The following TTN variants were observed in gnomAD, a reference collection of about 807,000 sequenced individuals.
The protein encoded by TTN is titin.
In TTN, 1,525 loss-of-function variants were observed where a neutral mutation model predicts 3,223.0. The observed-to-expected ratio is 0.47, with a 90% CI of 0.45 to 0.49. The LOEUF (loss-of-function observed/expected upper bound fraction) is 0.49. Among genes scored for constraint, TTN ranks in the 20% least tolerant of loss-of-function variants. The pLI is 0.00. For missense variants in TTN, 40,786 were observed against 43,424.0 expected, an observed-to-expected ratio of 0.94 and a Z score of 5.40; for synonymous variants, 14,094 against 15,161.0, an observed-to-expected ratio of 0.93 and a Z score of 5.17.
intron 156 of TTN, 60 bp from the exon 157 acceptor site, chr2:178,670,355 G>A (rs2154263903): frequency 2.0e-6 from 2 of 984,182 alleles, no homozygotes; most frequent in African/African-American, 3.4e-5. Flanking sequence ...TTAACAAGCA[G>A]AGCATGAGAG....
At position 178,805,939 on chromosome 2, in the gene TTN, A is replaced by C. The variant is rs546260862; in HGVS notation, c.-14+1273T>G. Reference sequence around the variant, plus strand: ...CAGTTTCAGAGACATTATGTGAAGAATTTTCTGATGCATAAATACCTAATT... The same window carrying C: ...CAGTTTCAGAGACATTATGTGAAGACTTTTCTGATGCATAAATACCTAATT... On this transcript the variant is annotated intron_variant, in intron 1 of 362. Coordinates refer to ENST00000589042, the MANE Select transcript of TTN (RefSeq NM_001267550.2). Among the ~76,000 whole-genome samples, 13 of 152,282 alleles carry C rather than the reference A, an allele frequency of 8.5e-5. 1 individual carries two copies. The South Asian group carries it at 2.7e-3, about 32-fold the overall frequency.
At position 178,534,196 on chromosome 2, in the gene TTN, C is replaced by G; in HGVS notation, c.102419G>C (p.Gly34140Ala). ...VASIEIGPVS[G>A]QIMHAVGEEG... The stretch of plus-strand genomic sequence containing the variant: ...TTCACCAACTGCATGCATTATCTGC[C>G]CAGAAACTGGGCCAATTTCAATGGA... The change falls in exon 358 of 363, where the codon GGG becomes GCG. Residue 34140 changes from glycine to alanine, a missense_variant. By Grantham distance (60) the Gly-to-Ala change is moderately conservative (BLOSUM62 0). Transcript: ENST00000589042. The G allele has an allele frequency of 6.2e-7, 1 of 1,613,890 alleles. No homozygotes were observed. Among genetic ancestry groups the G allele is most frequent in the Non-Finnish European group, 8.5e-7 (1 of 1,179,848 alleles).
Position 178,534,394 on chromosome 2 carries a change from T to C in TTN, c.102221A>G (p.Lys34074Arg). The C allele has an allele frequency of 6.2e-7, 1 of 1,610,812 alleles. No homozygotes were observed. Among genetic ancestry groups the C allele is most frequent in the African/African-American group, 1.3e-5 (1 of 75,036 alleles). The part of the protein sequence containing the change: ...ASEALQHPWL[K>R]QKIERVSTKV... ...AGTACTGACTCTTTCTATCTTCTGC[T>C]TCAACCATGGGTGCTGGAGAGCCTC... The change falls in exon 358 of 363, where the codon AAG (lysine) becomes AGG (arginine). Residue 34074 changes from lysine to arginine, a missense_variant. Coordinates refer to ENST00000589042, the MANE Select transcript of TTN (RefSeq NM_001267550.2).
At position 178,759,075 on chromosome 2, in the gene TTN, G is replaced by C. The variant is rs150406319; in HGVS notation, c.10212C>G (p.Ala3404=). The change falls in exon 44 of 363, where the codon GCC becomes GCG. Residue 3404 remains alanine, a synonymous_variant. Coordinates refer to ENST00000589042, the MANE Select transcript of TTN (RefSeq NM_001267550.2). ...QFEDTYQLEI[A]EAYPEDEGTY... ...TTCCTTCATCTTCTGGATAAGCTTC[G>C]GCAATTTCCAGTTGATAAGTGTCTT... 3 of 1,613,730 alleles carry C rather than the reference G, an allele frequency of 1.9e-6. No individual in the cohort carries two copies. The highest frequency in any genetic ancestry group is 2.5e-6 in the Non-Finnish European group (3 of 1,179,902).
chr2:178,603,696 G>GTGCGTGTATGTATATATCTC (rs2054058643), intron 282 of TTN, among the ~76,000 whole-genome samples, 180 bp downstream of exon 282: 1 of 151,894 alleles, frequency 6.6e-6, no homozygotes, highest in Non-Finnish European at 1.5e-5. Context: ...GTATATATCT[G>GTGCGTGTATGTATATATCTC]TGCATGTATG....
rs1308910919 is a variant in TTN at position 178,589,311 on chromosome 2, T to C, written c.62414A>G (p.Lys20805Arg). The C allele has an allele frequency of 6.2e-7, 1 of 1,613,150 alleles. No homozygotes were observed. The highest frequency in any genetic ancestry group is 1.3e-5 in the African/African-American group (1 of 75,028). Residue 20805 changes from lysine (K) to arginine (R), a missense_variant, in exon 304 of 363, where the codon AAG (lysine) becomes AGG (arginine). By Grantham distance (26) the Lys-to-Arg change is conservative. Transcript: ENST00000589042. Reference sequence around the variant, plus strand: ...TGTTAAGTCTGTAGCGTCTTTGTCCTTGGTCCATGCAACTTCTGGGAATGG... The same window carrying C: ...TGTTAAGTCTGTAGCGTCTTTGTCCCTGGTCCATGCAACTTCTGGGAATGG... ...GKPFPEVAWTKDKDATDLTRS... is the reference protein window; with the variant it reads ...GKPFPEVAWTRDKDATDLTRS...
Position 178,672,192 on chromosome 2 carries a change from T to C in TTN, c.35006A>G (p.Glu11669Gly). ...EVVVKERLELEVVEAEVEEIP... is the reference protein window; with the variant it reads ...EVVVKERLELGVVEAEVEEIP... ...TTCTTCCACTTCTGCTTCTACTACT[T>C]CTAATTCTAGTCTTTCTTTTACTAC... Residue 11669 changes from glutamate (E) to glycine (G), a missense_variant, in exon 155 of 363, where the codon GAA becomes GGA. Coordinates refer to ENST00000589042, the MANE Select transcript of TTN (RefSeq NM_001267550.2). 1.3e-6 allele frequency: 2 copies of C among 1,571,852 alleles called. No individual in the cohort carries two copies. Among genetic ancestry groups the C allele is most frequent in the South Asian group, 2.3e-5 (2 of 87,582 alleles).
rs537107089 is a variant in TTN, at chr2:178,689,323, G to A, written c.31978C>T (p.Arg10660Trp). The change falls in exon 124 of 363, where the codon CGG becomes TGG. Residue 10660 changes from arginine to tryptophan, a missense_variant. By Grantham distance (101) the Arg-to-Trp change is moderately radical (BLOSUM62 -3). Coordinates refer to ENST00000589042, the MANE Select transcript of TTN (RefSeq NM_001267550.2). ...GGTGGTGGAACTTCTTCCTCCTTCC[G>A]AGGAACAGGTTTCCTTTCTTCAGGA... ...KVPEERKPVP[R>W]KEEEVPPPPK... 18 of 1,613,788 alleles carry A rather than the reference G, an allele frequency of 1.1e-5. No homozygotes were observed. Among genetic ancestry groups the A allele is most frequent in the Middle Eastern group, 3.3e-4 (2 of 6,060 alleles).
At position 178,715,277 on chromosome 2, in the gene TTN, A is replaced by T. The variant is rs771465479; in HGVS notation, c.25922-13T>A. The T allele has an allele frequency of 1.2e-5, 19 of 1,588,240 alleles. 1 individual carries two copies. In the South Asian group the frequency reaches 2.2e-4, roughly 18 times the overall value. Reference sequence around the variant, plus strand: ...AAAATGGGTGGTTCTAAAATTGGAAAAAAGGAAAATACGGATGTATTCTGT... The same window carrying T: ...AAAATGGGTGGTTCTAAAATTGGAATAAAGGAAAATACGGATGTATTCTGT... On this transcript the variant is annotated splice_polypyrimidine_tract_variant and intron_variant, in intron 89 of 362. Coordinates refer to ENST00000589042, the MANE Select transcript of TTN (RefSeq NM_001267550.2).
At chr2:178,687,418 T>G (rs2071209883) in intron 127 of TTN, among the ~76,000 whole-genome samples, 1 of 142,532 alleles carries the variant, frequency 7.0e-6, no homozygotes, top group Non-Finnish European at 1.5e-5. Context: ...TAATTAGCAT[T>G]ATAGGTATGA....
chr2:178,591,053 G>A lies in TTN; in HGVS notation c.60672C>T (p.Ser20224=), dbSNP rs368680734. 16 of 1,613,200 alleles carry A rather than the reference G, an allele frequency of 9.9e-6. No individual in the cohort carries two copies. The highest frequency in any genetic ancestry group is 5.0e-5 in the Admixed American group (3 of 59,948). ...TTTTCAGCTTTGTCTTACTGCTTCC[G>A]GAAGAGACAACACCCCACGTGTCTT... is the stretch of plus-strand genomic sequence containing the variant. The part of the protein sequence containing the change: ...TRKDTWGVVS[S]GSSKTKLKIP... The change falls in exon 304 of 363, where the codon TCC becomes TCT. Residue 20224 remains serine, a synonymous_variant. Coordinates refer to ENST00000589042, the MANE Select transcript of TTN (RefSeq NM_001267550.2).
rs2154199729 is a variant in TTN, at chr2:178,611,385, G to A, written c.50844C>T (p.Ala16948=). The A allele has an allele frequency of 6.2e-7, 1 of 1,612,696 alleles. No homozygotes were observed. Among genetic ancestry groups the A allele is most frequent in the South Asian group, 1.1e-5 (1 of 91,042 alleles). The change falls in exon 269 of 363, where the codon GCC becomes GCT. Residue 16948 remains alanine (A), a synonymous_variant. Transcript: ENST00000589042. ...EPSEISENVV[A]KDPDCKPTID... is the part of the protein sequence containing the mutation. ...TTGTGCTCTTACAGTCTGGGTCTTTGGCAACCACATTTTCAGAGATTTCAG... is the reference window on the plus strand; with the variant it reads ...TTGTGCTCTTACAGTCTGGGTCTTTAGCAACCACATTTTCAGAGATTTCAG...
At chr2:178,753,494 A>G (rs1185838865) in intron 46 of TTN, 1 of 229,002 alleles carries the variant, frequency 4.4e-6, no homozygotes, top group Non-Finnish European at 8.6e-6. Context: ...TTTCTAAAAA[A>G]TGTCCTATTG....
intron 180 of TTN, among the ~76,000 whole-genome samples, chr2:178,659,495 C>G (rs1452855062): frequency 1.3e-5 from 2 of 148,796 alleles, no homozygotes. Context: ...ATTCAACAGC[C>G]CTTCATGCTA....
chr2:178,612,565 G>T lies in TTN; in HGVS notation c.49960C>A (p.Pro16654Thr), dbSNP rs1362265469. Residue 16654 changes from proline (P) to threonine (T), a missense_variant, in exon 266 of 363, where the codon CCA (proline) becomes ACA (threonine). Coordinates refer to ENST00000589042, the MANE Select transcript of TTN (RefSeq NM_001267550.2). ...TTAATAACTTCAAGCCAGCGTGGTGGTGATGGAGGATCTGAAAAAGAAGGA... is the reference window on the plus strand; with the variant it reads ...TTAATAACTTCAAGCCAGCGTGGTGTTGATGGAGGATCTGAAAAAGAAGGA... ...LCREKLYPPS[P>T]PRWLEVINIT... The T allele has an allele frequency of 2.5e-6, 4 of 1,606,612 alleles. No homozygotes were observed. In the East Asian group the frequency reaches 9.0e-5, roughly 36 times the overall value.
chr2:178,715,912 T>A (rs1036266709), intron 88 of TTN, 138 bp from the exon 89 acceptor site: 1 of 792,096 alleles, frequency 1.3e-6, no homozygotes, highest in Non-Finnish European at 1.9e-6. Context: ...GGAAGAAGAG[T>A]TAAATGAAAC....
chr2:178,779,080 T>G lies in TTN; in HGVS notation c.4002A>C (p.Gly1334=), dbSNP rs370488187. The change falls in exon 24 of 363, where the codon GGA becomes GGC. Residue 1334 remains glycine, a synonymous_variant. Coordinates refer to ENST00000589042, the MANE Select transcript of TTN (RefSeq NM_001267550.2). ...WYKDGKRIKH[G]ERYQMDFLQD... ...GTAGAAAGTCCATTTGGTATCTTTC[T>G]CCATGTTTGATGCGCTTGCCATCTT... 1.2e-6 allele frequency: 2 copies of G among 1,613,864 alleles called. No homozygotes were observed. Among genetic ancestry groups the G allele is most frequent in the Admixed American group, 1.7e-5 (1 of 59,980 alleles).
At chr2:178,793,280 G>A in intron 9 of TTN, 124 bp downstream of exon 9, 1 of 1,396,580 alleles carries the variant, frequency 7.2e-7, no homozygotes, top group Non-Finnish European at 9.7e-7. Context: ...ATACAACAAG[G>A]GGATCTTATT....
At chr2:178,538,230 G>A (rs867959263) in intron 354 of TTN, 67 of 457,910 alleles carry the variant, frequency 1.5e-4, no homozygotes, top group African/African-American at 1.3e-3. Flanking sequence ...CCTTACTTAG[G>A]TTCATTGAAG....
Sources: allele counts gnomAD v4.1 joint callset (sites outside exome capture counted in the v4.1 genomes callset), GRCh38; gene constraint gnomAD v4.1.1; transcripts MANE v1.5; gene names NCBI Gene and HGNC (gene_info 2026-07-23, HGNC 2026-07-21).